WDFY4: variants seen among roughly 807,000 people sequenced by gnomAD.
The protein encoded by WDFY4 is WDFY family member 4.
Under a neutral mutation model 351.9 loss-of-function variants are expected in WDFY4, and 169 were observed. That is an observed-to-expected ratio of 0.48 (90% CI 0.42 to 0.55). The LOEUF (loss-of-function observed/expected upper bound fraction) is 0.55. Ranked by LOEUF, WDFY4 falls within the 20% of genes least tolerant of loss-of-function variation. WDFY4 has a pLI of 0.00. For synonymous variants in WDFY4, 1,622 were observed against 1,574.6 expected (o/e 1.03, Z -0.71); for missense variants, 3,803 against 3,935.6 (o/e 0.97, Z 0.90).
Position 48,701,640 on chromosome 10 carries a change from C to A in WDFY4, c.-17-8076C>A, listed in dbSNP as rs185550895. ...TCTGTGGACAGGAGCCTTGACCTGT[C>A]CCCAGCTGGTGGCATCTTGAGGAAA... is the stretch of plus-strand genomic sequence containing the variant. On this transcript the variant is annotated intron_variant, in intron 1 of 61. Coordinates refer to ENST00000325239, the MANE Select transcript of WDFY4 (RefSeq NM_001394531.1). 1.2e-4 allele frequency among the ~76,000 whole-genome samples: 18 copies of A among 152,124 alleles called. 1 individual carries two copies. Among genetic ancestry groups the A allele is most frequent in the Non-Finnish European group, 2.6e-4 (18 of 68,024 alleles).
intron 47 of WDFY4, among the ~76,000 whole-genome samples, chr10:48,920,308 T>C (rs1246276475): frequency 3.3e-5 from 5 of 150,224 alleles, no homozygotes; most frequent in Admixed American, 1.3e-4. Context: ...TAGGTGGGAA[T>C]TGAACAATGA....
intron 61 of WDFY4, 96 bp downstream of exon 61, chr10:48,981,574 A>C: frequency 8.6e-7 from 1 of 1,158,032 alleles, no homozygotes; most frequent in Non-Finnish European, 1.2e-6. Flanking sequence ...CACCTGGCCG[A>C]GGAGGCCACT....
intron 1 of WDFY4, among the ~76,000 whole-genome samples, chr10:48,698,994 A>G (rs1015248353): frequency 6.6e-6 from 1 of 152,156 alleles, no homozygotes; most frequent in Non-Finnish European, 1.5e-5. Flanking sequence ...TCTCTCATGA[A>G]ATGCACTATA....
At chr10:48,721,156 C>T (rs1170665831) in intron 3 of WDFY4, 105 bp from the exon 4 acceptor site, 2 of 1,111,196 alleles carry the variant, frequency 1.8e-6, no homozygotes, top group East Asian at 2.6e-5. Flanking sequence ...TGCCAAAGTC[C>T]TCTACAGATG....
At chr10:48,726,326 TCA>T (rs1173317386) in intron 6 of WDFY4, among the ~76,000 whole-genome samples, 2 of 152,252 alleles carry the variant, frequency 1.3e-5, no homozygotes, top group Non-Finnish European at 2.9e-5. Flanking sequence ...AAAGAGGATC[TCA>T]CTATGCACAC....
intron 29 of WDFY4, 21 bp from the exon 30 acceptor site, chr10:48,811,518 C>T (rs1381839778): frequency 6.5e-7 from 1 of 1,549,410 alleles, no homozygotes; most frequent in African/African-American, 1.4e-5. Context: ...GACTTTTGTG[C>T]CCCCTTTGCC....
At chr10:48,886,887 G>T (rs1247545155) in intron 43 of WDFY4, among the ~76,000 whole-genome samples, 1 of 152,182 alleles carries the variant, frequency 6.6e-6, no homozygotes, top group Non-Finnish European at 1.5e-5. Flanking sequence ...TGAGGCAAAA[G>T]TTCTACTCTT....
chr10:48,707,578 G>A (rs2063664339), intron 1 of WDFY4, among the ~76,000 whole-genome samples: 1 of 152,222 alleles, frequency 6.6e-6, no homozygotes, highest in South Asian at 2.1e-4. Context: ...TGGAACACAA[G>A]GTAGCAGTTA....
rs1159794784 is a variant in WDFY4 at position 48,832,688 on chromosome 10, G to C, written c.6642G>C (p.Lys2214Asn). Residue 2214 changes from lysine to asparagine, a missense_variant, in exon 39 of 62, where the codon AAG (lysine) becomes AAC (asparagine). Around this residue, in one of 3 missense-constraint regions of WDFY4, gnomAD observed 3,054 missense variants for 3,148.6 expected, o/e 0.97. Coordinates refer to ENST00000325239, the MANE Select transcript of WDFY4 (RefSeq NM_001394531.1). ...AGCTGATGCCCGGGCGGCAGGCCAA[G>C]GACCCTGAGTGCAAGACAGAGGTGA... ...AMKLMPGRQA[K>N]DPECKTEDFV... 6.5e-7 allele frequency: 1 copy of C among 1,549,064 alleles called. No homozygotes were observed. The highest frequency in any genetic ancestry group is 8.7e-7 in the Non-Finnish European group (1 of 1,145,646).
At chr10:48,968,475 G>A (rs190755889) in intron 55 of WDFY4, 30 of 153,350 alleles carry the variant, frequency 2.0e-4, no homozygotes, top group African/African-American at 7.0e-4. Flanking sequence ...GGAAGAGGGT[G>A]GTTCTCCCAC....
chr10:48,929,390 T>G (rs1466905933), intron 47 of WDFY4, among the ~76,000 whole-genome samples: 1 of 152,088 alleles, frequency 6.6e-6, no homozygotes, highest in Non-Finnish European at 1.5e-5. Context: ...AGCAGGAAGC[T>G]ATTGTGTCCT....
chr10:48,842,393 G>A (rs1007635878), intron 39 of WDFY4, among the ~76,000 whole-genome samples: 1 of 152,060 alleles, frequency 6.6e-6, no homozygotes, highest in Non-Finnish European at 1.5e-5. Context: ...GGGAATGGTC[G>A]CCTGTGCCAG....
intron 39 of WDFY4, among the ~76,000 whole-genome samples, chr10:48,848,917 C>A (rs1206951479): frequency 6.6e-6 from 1 of 152,196 alleles, no homozygotes; most frequent in Non-Finnish European, 1.5e-5. Context: ...TCCTCTTAGC[C>A]AGCTCTGGTG....
intron 43 of WDFY4, among the ~76,000 whole-genome samples, chr10:48,883,736 A>G (rs891880855): frequency 6.6e-6 from 1 of 152,218 alleles, no homozygotes; most frequent in African/African-American, 2.4e-5. Flanking sequence ...CTCTGGCAGA[A>G]GCCTCTGGAG....
rs72787281 is a variant in WDFY4, at chr10:48,693,973, A to T, written c.-18+8972A>T. On this transcript the variant is annotated intron_variant, in intron 1 of 61. Transcript: ENST00000325239. ...TTTGATGAATCCGGAGAACTAAGAG[A>T]TCTTTAATTCCTGAGGAGCCAGGCA... 8.0e-3 allele frequency among the ~76,000 whole-genome samples: 1,222 copies of T among 152,242 alleles called. 9 individuals carry two copies. Among genetic ancestry groups the T allele is most frequent in the Middle Eastern group, 0.02 (6 of 294 alleles).
intron 47 of WDFY4, among the ~76,000 whole-genome samples, chr10:48,915,158 C>T (rs528558404): frequency 2.2e-4 from 33 of 152,234 alleles, no homozygotes; most frequent in South Asian, 4.1e-4. Context: ...TATGAGGGGG[C>T]GTAAATTATC....
chr10:48,729,328 C>T, intron 7 of WDFY4, 104 bp from the exon 8 acceptor site: 1 of 1,474,624 alleles, frequency 6.8e-7, no homozygotes, highest in Non-Finnish European at 9.1e-7. Context: ...GGGTCTTCCC[C>T]AGCTTGCAGA....
At chr10:48,953,333 T>TCACACACACA (rs1554820608) in intron 51 of WDFY4, among the ~76,000 whole-genome samples, 11 of 128,124 alleles carry the variant, frequency 8.6e-5, no homozygotes, top group African/African-American at 2.1e-4. Context: ...TCTCTCTCTC[T>TCACACACACA]CACACACACA....
At chr10:48,886,636 G>C (rs2070468171) in intron 43 of WDFY4, among the ~76,000 whole-genome samples, 1 of 152,088 alleles carries the variant, frequency 6.6e-6, no homozygotes, top group African/African-American at 2.4e-5. Flanking sequence ...GGGACTTCCT[G>C]TCCACCAGAA....
Sources: allele counts gnomAD v4.1 joint callset (sites outside exome capture counted in the v4.1 genomes callset), GRCh38; gene constraint gnomAD v4.1.1; regional missense constraint gnomAD v4.1.1; transcripts MANE v1.5; gene names NCBI Gene and HGNC (gene_info 2026-07-23, HGNC 2026-07-21).